TENM2: variants seen among roughly 807,000 people sequenced by gnomAD.
TENM2 encodes teneurin-2.
Under a neutral mutation model 245.2 loss-of-function variants are expected in TENM2, and 52 were observed. The ratio of observed to expected loss-of-function variants is 0.21; its 90% CI spans 0.17 to 0.27. The LOEUF (loss-of-function observed/expected upper bound fraction) is 0.27. Ranked by LOEUF, TENM2 falls within the 10% of genes least tolerant of loss-of-function variation. TENM2 has a pLI of 1.00. For synonymous variants in TENM2, 1,363 were observed against 1,438.9 expected, an observed-to-expected ratio of 0.95 and a Z score of 1.19; for missense variants, 3,046 against 3,666.8, an observed-to-expected ratio of 0.83 and a Z score of 4.37.
chr5:167,670,579 G>A (rs1250059048), intron 2 of TENM2, among the ~76,000 whole-genome samples: 1 of 151,944 alleles, frequency 6.6e-6, no homozygotes, highest in Non-Finnish European at 1.5e-5. Flanking sequence ...AAATTGCAAT[G>A]AACGTTACTA....
Position 167,601,356 on chromosome 5 carries a change from C to A in TENM2, c.502+225883C>A, listed in dbSNP as rs73803903. Among the ~76,000 whole-genome samples, 1,306 of 152,346 alleles carry A rather than the reference C, an allele frequency of 8.6e-3. 7 individuals carry two copies. The highest frequency in any genetic ancestry group is 0.017 in the Middle Eastern group (5 of 294). On this transcript the variant is annotated intron_variant, in intron 2 of 28. Coordinates refer to ENST00000518659, the Ensembl canonical transcript of TENM2. ...ACTGAGGACTTGAATTTATAATTTT[C>A]TTTAATTTCAACTAATTTAAACTGC...
intron 1 of TENM2, among the ~76,000 whole-genome samples, chr5:167,364,537 A>C (rs766948037): frequency 6.6e-6 from 1 of 152,112 alleles, no homozygotes; most frequent in Non-Finnish European, 1.5e-5. Context: ...AACAAGACCT[A>C]ATTATATGCT....
chr5:168,044,394 T>G (rs2152025115), intron 5 of TENM2, among the ~76,000 whole-genome samples: 1 of 152,134 alleles, frequency 6.6e-6, no homozygotes, highest in Middle Eastern at 3.4e-3. Flanking sequence ...AAAGAAAAGG[T>G]TCAATGATTG....
At chr5:167,006,065 A>T in the TENM2 span, among the ~76,000 whole-genome samples, 4 of 152,120 alleles carry the variant, frequency 2.6e-5, no homozygotes, top group African/African-American at 9.7e-5. Context: ...TTCCATGTAG[A>T]CTAGCCTTTC....
intron 4 of TENM2, among the ~76,000 whole-genome samples, chr5:167,954,320 T>C (rs1780365914): frequency 6.6e-6 from 1 of 152,098 alleles, no homozygotes; most frequent in Non-Finnish European, 1.5e-5. Context: ...TCAAGACAAT[T>C]GGGGTAATTT....
the TENM2 span, among the ~76,000 whole-genome samples, chr5:166,991,386 TA>T: frequency 6.6e-6 from 1 of 151,988 alleles, no homozygotes; most frequent in Non-Finnish European, 1.5e-5. Context: ...TTTTTTTCTC[TA>T]GGGGGAAACT....
intron 2 of TENM2, among the ~76,000 whole-genome samples, chr5:167,863,647 A>G (rs1005499172): frequency 2.0e-5 from 3 of 152,164 alleles, no homozygotes; most frequent in Non-Finnish European, 4.4e-5. Flanking sequence ...CTGTGTCTCA[A>G]TAAATAAATA....
chr5:167,816,536 G>A (rs1767070040), intron 2 of TENM2, among the ~76,000 whole-genome samples: 1 of 152,210 alleles, frequency 6.6e-6, no homozygotes, highest in African/African-American at 2.4e-5. Context: ...GAAACAGGAA[G>A]TGGATGCCTC....
chr5:167,315,462 G>A (rs1033308047), intron 1 of TENM2, among the ~76,000 whole-genome samples: 9 of 152,148 alleles, frequency 5.9e-5, no homozygotes, highest in Middle Eastern at 3.4e-3. Flanking sequence ...ATATGATGCC[G>A]TAATTTTCTT....
the TENM2 span, among the ~76,000 whole-genome samples, chr5:167,031,633 C>T: frequency 1.3e-4 from 20 of 152,130 alleles, no homozygotes; most frequent in African/African-American, 4.6e-4. Flanking sequence ...GGTGCCATCT[C>T]GGCTCACTGC....
the TENM2 span, among the ~76,000 whole-genome samples, chr5:167,232,192 C>T: frequency 6.6e-6 from 1 of 152,106 alleles, no homozygotes; most frequent in Non-Finnish European, 1.5e-5. Flanking sequence ...GTCAGAGCCC[C>T]CACACAGAGT....
chr5:167,950,049 C>T (rs551655218), intron 3 of TENM2, among the ~76,000 whole-genome samples: 196 of 152,224 alleles, frequency 1.3e-3, no homozygotes, highest in Middle Eastern at 3.4e-3. Context: ...GCTGGGTGAG[C>T]GGAGAATTAA....
At chr5:167,299,007 A>AT (rs1331485355) in intron 1 of TENM2, among the ~76,000 whole-genome samples, 1 of 152,164 alleles carries the variant, frequency 6.6e-6, no homozygotes, top group African/African-American at 2.4e-5. Flanking sequence ...TCCATACAGG[A>AT]GCTCAAATGG....
At chr5:168,124,149 C>A (rs1052772912) in intron 10 of TENM2, among the ~76,000 whole-genome samples, 1 of 152,230 alleles carries the variant, frequency 6.6e-6, no homozygotes, top group East Asian at 1.9e-4. Flanking sequence ...GTCAGTGCCT[C>A]AGCCAGAGAT....
chr5:167,876,294 G>A, intron 3 of TENM2, 99 bp downstream of exon 5: 1 of 1,017,120 alleles, frequency 9.8e-7, no homozygotes, highest in Non-Finnish European at 1.5e-6. Context: ...CTGGGGGAAG[G>A]TGGTGTGGGG....
chr5:167,429,798 G>A (rs770746724), intron 2 of TENM2, among the ~76,000 whole-genome samples: 1 of 151,898 alleles, frequency 6.6e-6, no homozygotes, highest in Non-Finnish European at 1.5e-5. Context: ...GTACAGACAG[G>A]GTTTCACCAT....
chr5:167,024,627 T>G, the TENM2 span, among the ~76,000 whole-genome samples: 2 of 151,994 alleles, frequency 1.3e-5, no homozygotes, highest in Non-Finnish European at 2.9e-5. Context: ...AAGAGCTTTG[T>G]GGGGGCAGAA....
chr5:167,419,129 G>GTAGATGAATAGA (rs140094893), intron 2 of TENM2, among the ~76,000 whole-genome samples: 2 of 150,280 alleles, frequency 1.3e-5, no homozygotes, highest in Non-Finnish European at 3.0e-5. Context: ...AGATGTGTAT[G>GTAGATGAATAGA]TAGATAGATA....
At chr5:167,329,830 A>G (rs1237624605) in intron 1 of TENM2, among the ~76,000 whole-genome samples, 1 of 152,182 alleles carries the variant, frequency 6.6e-6, no homozygotes, top group African/African-American at 2.4e-5. Context: ...TTTTGGATTT[A>G]AAGACATTCT....
Sources: gnomAD v4.1 joint callset for allele counts (sites outside exome capture counted in the v4.1 genomes callset) on GRCh38, gnomAD v4.1.1 for gene constraint, MANE v1.5 for transcripts, NCBI Gene and HGNC (gene_info 2026-07-23, HGNC 2026-07-21) for gene names.